The following OSTN variants were observed in gnomAD, a reference collection of about 807,000 sequenced individuals.
OSTN encodes the protein osteocrin.
Under a neutral mutation model 12.0 loss-of-function variants are expected in OSTN, and 9 were observed. The observed-to-expected ratio is 0.75, with a 90% CI of 0.45 to 1.30. OSTN has a LOEUF of 1.30. OSTN is among the 50% of genes most tolerant of loss of function. The pLI, the probability that OSTN is intolerant of heterozygous loss-of-function variation, is 0.00. For synonymous variants in OSTN, 59 were observed against 56.9 expected (o/e 1.04, Z -0.16); for missense variants, 148 against 152.3 (o/e 0.97, Z 0.15).
intron 1 of OSTN, among the ~76,000 whole-genome samples, chr3:191,203,056 A>G (rs17463685): frequency 0.075 from 11,441 of 152,304 alleles, 570 homozygotes; most frequent in Non-Finnish European, 0.11. Flanking sequence ...GTTAAATACT[A>G]ATGGATGTAT....
At chr3:191,209,120 C>T (rs751956785) in intron 1 of OSTN, among the ~76,000 whole-genome samples, 17 of 152,048 alleles carry the variant, frequency 1.1e-4, no homozygotes, top group South Asian at 1.0e-3. Context: ...GATTGCACCA[C>T]GGCACTCCAG....
rs1244571583 is a variant in OSTN at position 191,250,131 on chromosome 3, A to G, written c.*10A>G. On this transcript the variant is annotated splice_region_variant and 3_prime_UTR_variant, in exon 4 of 5. Coordinates refer to ENST00000682035, the MANE Select transcript of OSTN (RefSeq NM_198184.2). ...AAATTCCAGAGGCTAATTGATTCCA[A>G]TTGTGAGTACAATTTGAATAAGTAA... 32 of 1,586,390 alleles carry G rather than the reference A, an allele frequency of 2.0e-5. No homozygotes were observed. Among genetic ancestry groups the G allele is most frequent in the Non-Finnish European group, 2.5e-5 (29 of 1,154,954 alleles).
intron 1 of OSTN, among the ~76,000 whole-genome samples, chr3:191,205,956 G>A (rs917296704): frequency 1.3e-5 from 2 of 152,102 alleles, no homozygotes; most frequent in African/African-American, 4.8e-5. Context: ...AGGCTGAGGC[G>A]AGTGGATCAC....
intron 1 of OSTN, among the ~76,000 whole-genome samples, chr3:191,202,781 T>G (rs747098535): frequency 2.0e-5 from 3 of 152,238 alleles, no homozygotes; most frequent in Non-Finnish European, 4.4e-5. Context: ...CTCTATTAGC[T>G]TTTCCCTATG....
chr3:191,250,129 C>T lies in OSTN; in HGVS notation c.*8C>T. On this transcript the variant is annotated 3_prime_UTR_variant, in exon 4 of 5. Coordinates refer to ENST00000682035, the MANE Select transcript of OSTN (RefSeq NM_198184.2). Reference sequence around the variant, plus strand: ...TCAAATTCCAGAGGCTAATTGATTCCAATTGTGAGTACAATTTGAATAAGT... The same window carrying T: ...TCAAATTCCAGAGGCTAATTGATTCTAATTGTGAGTACAATTTGAATAAGT... The T allele has an allele frequency of 2.5e-6, 4 of 1,585,160 alleles. No homozygotes were observed. Among genetic ancestry groups the T allele is most frequent in the Non-Finnish European group, 3.5e-6 (4 of 1,153,828 alleles).
At position 191,218,730 on chromosome 3, in the gene OSTN, C is replaced by G. The variant is rs749659244; in HGVS notation, c.103-17C>G. The G allele has an allele frequency of 3.1e-6, 5 of 1,606,266 alleles. No homozygotes were observed. In the Admixed American group the frequency reaches 5.0e-5, roughly 16 times the overall value. The stretch of plus-strand genomic sequence containing the variant: ...TCTTTGTCTAAATTAACGGAATCGC[C>G]TTTCTCTGCCTTATAGGCCTTTGAT... On this transcript the variant is annotated splice_polypyrimidine_tract_variant and intron_variant, in intron 2 of 4. Coordinates refer to ENST00000682035, the MANE Select transcript of OSTN (RefSeq NM_198184.2).
At position 191,204,852 on chromosome 3, in the gene OSTN, G is replaced by T. The variant is rs79521198; in HGVS notation, c.-1+5545G>T. Among the ~76,000 whole-genome samples the T allele has an allele frequency of 9.2e-3, 1,407 of 152,138 alleles. 29 individuals are homozygous for T. The highest frequency in any genetic ancestry group is 0.032 in the African/African-American group (1,342 of 41,500). On this transcript the variant is annotated intron_variant, in intron 1 of 4. Coordinates refer to ENST00000682035, the MANE Select transcript of OSTN (RefSeq NM_198184.2). ...CTGTAAGTTCCCTAAGTGACTGTTG[G>T]GTGTAAATTTTGTGTTCATAGAAAA... is the stretch of plus-strand genomic sequence containing the variant.
At chr3:191,242,048 AC>A in intron 3 of OSTN, among the ~76,000 whole-genome samples, 1 of 152,224 alleles carries the variant, frequency 6.6e-6, no homozygotes, top group Non-Finnish European at 1.5e-5. Context: ...TCACAAAAAT[AC>A]AATATAAGCT....
At position 191,264,983 on chromosome 3, in the gene OSTN, A is replaced by G. The variant is rs1015009082; in HGVS notation, c.*2130A>G. 2 of 152,186 alleles carry G rather than the reference A, an allele frequency of 1.3e-5. No individual in the cohort carries two copies. The highest frequency in any genetic ancestry group is 1.3e-4 in the Admixed American group (2 of 15,290). The allele number at this position is 152,186 out of a possible 1,614,324, so 9.4% of individuals were successfully genotyped here. A position where few individuals can be genotyped will look rare whatever the true frequency, so the allele number is the denominator to read the frequency against. On this transcript the variant is annotated 3_prime_UTR_variant, in exon 5 of 5. Transcript: ENST00000682035. ...TGTATTTTCACCTAATATACACACA[A>G]TTTCCATGAAGGGAAGAAAATGTTT... is the stretch of plus-strand genomic sequence containing the variant.
chr3:191,219,575 C>T (rs769751006), intron 3 of OSTN, among the ~76,000 whole-genome samples: 1 of 152,264 alleles, frequency 6.6e-6, no homozygotes, highest in Non-Finnish European at 1.5e-5. Flanking sequence ...ATGCTAATTA[C>T]GGATTTAGAG....
chr3:191,234,833 T>G (rs1715149825), intron 3 of OSTN, among the ~76,000 whole-genome samples: 1 of 151,576 alleles, frequency 6.6e-6, no homozygotes, highest in Non-Finnish European at 1.5e-5. Flanking sequence ...CCTCTTCCTC[T>G]ATTCTGTCTT....
intron 2 of OSTN, among the ~76,000 whole-genome samples, chr3:191,214,748 G>A (rs1714562948): frequency 6.6e-6 from 1 of 152,122 alleles, no homozygotes; most frequent in Admixed American, 6.5e-5. Flanking sequence ...ACTTGGTCAG[G>A]TGTGGTGTAA....
chr3:191,201,143 A>G (rs1293364969), intron 1 of OSTN, among the ~76,000 whole-genome samples: 1 of 152,040 alleles, frequency 6.6e-6, no homozygotes, highest in African/African-American at 2.4e-5. Context: ...TTCTTTCTTC[A>G]GATAAGTGTC....
intron 1 of OSTN, among the ~76,000 whole-genome samples, chr3:191,209,441 T>C (rs1714364087): frequency 6.6e-6 from 1 of 152,226 alleles, no homozygotes; most frequent in African/African-American, 2.4e-5. Flanking sequence ...AAATCTCAGT[T>C]CAAATATCAA....
chr3:191,209,767 A>C (rs980098685), intron 1 of OSTN, among the ~76,000 whole-genome samples: 1 of 152,232 alleles, frequency 6.6e-6, no homozygotes, highest in Non-Finnish European at 1.5e-5. Flanking sequence ...TTGCATAGTG[A>C]CAAGTTGTTT....
intron 3 of OSTN, among the ~76,000 whole-genome samples, chr3:191,230,562 C>CA (rs35542147): frequency 0.16 from 5,616 of 35,784 alleles, 576 homozygotes; most frequent in African/African-American, 0.25. Flanking sequence ...GACTCCGTCT[C>CA]AAAAAAAAAA....
intron 3 of OSTN, among the ~76,000 whole-genome samples, chr3:191,232,725 C>G (rs954091044): frequency 6.6e-6 from 1 of 151,704 alleles, no homozygotes; most frequent in African/African-American, 2.4e-5. Flanking sequence ...CTCAGCCTCC[C>G]AAGTAGCTGG....
chr3:191,225,804 A>G (rs2108537699), intron 3 of OSTN, among the ~76,000 whole-genome samples: 1 of 152,074 alleles, frequency 6.6e-6, no homozygotes, highest in East Asian at 1.9e-4. Flanking sequence ...GAGGAAAACA[A>G]TAGACCCTGG....
Position 191,212,635 on chromosome 3 carries a change from G to A in OSTN, c.102+1G>A, listed in dbSNP as rs370993514. The A allele has an allele frequency of 6.7e-7, 1 of 1,482,904 alleles. No individual in the cohort carries two copies. Among genetic ancestry groups the A allele is most frequent in the Non-Finnish European group, 9.1e-7 (1 of 1,095,168 alleles). The allele number at this position is 1,482,904 out of a possible 1,614,324, so 91.9% of individuals were successfully genotyped here. ...CTCAGTAGATGTAACAACAACAGAGGTAATGGAAACTAGCTTACAGAAATA... is the reference window on the plus strand; with the variant it reads ...CTCAGTAGATGTAACAACAACAGAGATAATGGAAACTAGCTTACAGAAATA... On this transcript the variant is annotated splice_donor_variant, in intron 2 of 4. Transcript: ENST00000682035. LOFTEE classifies it high-confidence loss of function.
Sources: gnomAD v4.1 joint callset for allele counts (sites outside exome capture counted in the v4.1 genomes callset) on GRCh38, gnomAD v4.1.1 for gene constraint, MANE v1.5 for transcripts, NCBI Gene and HGNC (gene_info 2026-07-23, HGNC 2026-07-21) for gene names.